Variants in RSPH14 observed in about 807,000 individuals in gnomAD.
RSPH14 encodes rhabdoid tumor deletion region gene 1.
In RSPH14, 20 loss-of-function variants were observed where a neutral mutation model predicts 26.7. The ratio of observed to expected loss-of-function variants is 0.75; its 90% CI spans 0.53 to 1.09. RSPH14 has a LOEUF of 1.09. RSPH14 is among the 50% of genes least tolerant of loss of function. The probability of loss-of-function intolerance (pLI) is 0.00; values close to 1 mark genes in which losing one functional copy is unlikely to be tolerated. For synonymous variants in RSPH14, 177 were observed against 189.3 expected (o/e 0.93, Z 0.53); for missense variants, 449 against 457.2 (o/e 0.98, Z 0.16).
the RSPH14 span, chr22:23,158,915 C>T: frequency 4.3e-6 from 7 of 1,614,160 alleles, no homozygotes; most frequent in Non-Finnish European, 5.1e-6. Context: ...TTGGAGGATG[C>T]TCTGAGGGAG....
chr22:23,147,462 C>T (rs927677564), upstream of RSPH14, among the ~76,000 whole-genome samples: 32 of 152,162 alleles, frequency 2.1e-4, no homozygotes, highest in African/African-American at 6.5e-4. Flanking sequence ...CCCGGAGTAG[C>T]TAGGACCACA....
At chr22:23,156,122 G>A in the RSPH14 span, 3 of 929,724 alleles carry the variant, frequency 3.2e-6, no homozygotes, top group East Asian at 3.8e-5. Context: ...TCTCTGCACA[G>A]GCACCAGTTT....
At chr22:23,123,733 G>A in intron 4 of RSPH14, 1 of 375,292 alleles carries the variant, frequency 2.7e-6, no homozygotes. Flanking sequence ...AGCCCAACCT[G>A]CCCCTTCACT....
intron 4 of RSPH14, among the ~76,000 whole-genome samples, chr22:23,083,984 G>A (rs2068746737): frequency 6.6e-6 from 1 of 152,130 alleles, no homozygotes; most frequent in African/African-American, 2.4e-5. Context: ...GAGTGTGGTG[G>A]GTGGGAGATG....
At chr22:23,078,991 C>A (rs2068593339) in intron 4 of RSPH14, among the ~76,000 whole-genome samples, 1 of 152,182 alleles carries the variant, frequency 6.6e-6, no homozygotes, top group South Asian at 2.1e-4. Flanking sequence ...CCAACTATCC[C>A]CTCCGTGAGC....
chr22:23,150,697 G>A, the RSPH14 span, among the ~76,000 whole-genome samples: 32 of 152,114 alleles, frequency 2.1e-4, no homozygotes, highest in African/African-American at 7.2e-4. Flanking sequence ...TCAGCCTCAG[G>A]TCTTGGTACA....
At chr22:23,152,499 A>G in the RSPH14 span, 1 of 1,614,144 alleles carries the variant, frequency 6.2e-7, no homozygotes, top group Non-Finnish European at 8.5e-7. Flanking sequence ...GGCGATCTCT[A>G]CGTGGGGAAG....
At chr22:23,077,154 C>A (rs2068528245) in intron 4 of RSPH14, among the ~76,000 whole-genome samples, 5 of 152,150 alleles carry the variant, frequency 3.3e-5, no homozygotes, top group African/African-American at 1.2e-4. Context: ...GACTGGTGAA[C>A]CTCACCACTG....
intron 4 of RSPH14, among the ~76,000 whole-genome samples, chr22:23,132,036 T>A (rs1319437779): frequency 1.3e-5 from 2 of 152,216 alleles, no homozygotes; most frequent in Admixed American, 1.3e-4. Context: ...TCTCTGAGCC[T>A]TAACCCAGGG....
intron 4 of RSPH14, among the ~76,000 whole-genome samples, chr22:23,130,533 A>AGAAAGAAG (rs1399384198): frequency 1.2e-5 from 1 of 85,378 alleles, no homozygotes; most frequent in Non-Finnish European, 2.6e-5. Flanking sequence ...AGAAAGAAAG[A>AGAAAGAAG]GAAAGAAGGA....
chr22:23,100,222 C>T (rs1306274064), intron 4 of RSPH14, among the ~76,000 whole-genome samples: 2 of 152,228 alleles, frequency 1.3e-5, no homozygotes, highest in Non-Finnish European at 2.9e-5. Flanking sequence ...AGCCCAGCTA[C>T]AGCTTCATTT....
chr22:23,157,932 G>A, the RSPH14 span: 191 of 1,609,618 alleles, frequency 1.2e-4, 2 homozygotes, highest in South Asian at 1.6e-3. Context: ...ACCTCCTGGG[G>A]AGCCCCCTTG....
chr22:23,170,870 G>A, the RSPH14 span, among the ~76,000 whole-genome samples: 2 of 151,938 alleles, frequency 1.3e-5, no homozygotes, highest in African/African-American at 2.4e-5. Context: ...ACTTAGAGAT[G>A]GGGTCTGACT....
chr22:23,066,028 A>G (rs1331773633), intron 4 of RSPH14, among the ~76,000 whole-genome samples: 1 of 150,958 alleles, frequency 6.6e-6, no homozygotes, highest in Non-Finnish European at 1.5e-5. Context: ...CTCCCTACCC[A>G]CTCCTGGCTA....
In RSPH14 at chr22:23,059,579, C is replaced by T. The variant is rs376890646; in HGVS notation, c.930G>A (p.Gln310=). The T allele has an allele frequency of 6.2e-7, 1 of 1,614,200 alleles. No individual in the cohort carries two copies. Among genetic ancestry groups the T allele is most frequent in the South Asian group, 1.1e-5 (1 of 91,088 alleles). ...TGGCACGGAAAGTGGGCACGTGCGT[C>T]TGCAGGGCCTTGCGGCCCTCGGGGG... is the stretch of plus-strand genomic sequence containing the variant. The part of the protein sequence containing the change: ...AEAPEGRKAL[Q]THVPTFRAME... The change falls in exon 7 of 7, where the codon CAG becomes CAA. Residue 310 remains glutamine, a synonymous_variant. Transcript: ENST00000216036.
In RSPH14 at chr22:23,071,143, G is replaced by A. The variant is rs2068360583; in HGVS notation, c.422-7010C>T. ...TTCCTCACAGGCATTTAGAGGAAGAGATGAGTATCGACCTGCTGCGATTGT... is the reference window on the plus strand; with the variant it reads ...TTCCTCACAGGCATTTAGAGGAAGAAATGAGTATCGACCTGCTGCGATTGT... On this transcript the variant is annotated intron_variant, in intron 4 of 6. Transcript: ENST00000216036. The surrounding 1 kb of genome is among the most constrained non-coding windows in gnomAD (Gnocchi z 4.1). 6.6e-6 allele frequency among the ~76,000 whole-genome samples: 1 copy of A among 152,218 alleles called. No homozygotes were observed. The highest frequency in any genetic ancestry group is 1.9e-4 in the East Asian group (1 of 5,190).
chr22:23,149,080 G>A (rs1350545720), upstream of RSPH14, among the ~76,000 whole-genome samples: 1 of 152,170 alleles, frequency 6.6e-6, no homozygotes, highest in East Asian at 1.9e-4. Context: ...GGAACTGAGA[G>A]GGCAGATGGG....
At chr22:23,080,938 G>A (rs1000780974) in intron 4 of RSPH14, among the ~76,000 whole-genome samples, 6 of 152,190 alleles carry the variant, frequency 3.9e-5, no homozygotes, top group African/African-American at 7.2e-5. Flanking sequence ...CCAGGGCAGC[G>A]GGCACTCTCT....
chr22:23,134,808 T>G (rs575005208), intron 3 of RSPH14, among the ~76,000 whole-genome samples: 5 of 152,228 alleles, frequency 3.3e-5, no homozygotes, highest in Admixed American at 3.3e-4. Context: ...GAGGTTGCAG[T>G]GACCTGCAAC....
Sources: allele counts gnomAD v4.1 joint callset (sites outside exome capture counted in the v4.1 genomes callset), GRCh38; gene constraint gnomAD v4.1.1; non-coding constraint Gnocchi (gnomAD v3.1); transcripts MANE v1.5; gene names NCBI Gene and HGNC (gene_info 2026-07-23, HGNC 2026-07-21).